The following RBFOX1 variants were observed in gnomAD, a reference collection of about 807,000 sequenced individuals.
The protein encoded by RBFOX1 is RNA binding protein fox-1 homolog 1.
Under a neutral mutation model 57.7 loss-of-function variants are expected in RBFOX1, and 8 were observed. That is an observed-to-expected ratio of 0.14 (90% CI 0.08 to 0.25). The LOEUF (loss-of-function observed/expected upper bound fraction) is 0.25. Among genes scored for constraint, RBFOX1 ranks in the 10% least tolerant of loss-of-function variants. The probability of loss-of-function intolerance (pLI) is 1.00; values close to 1 mark genes in which losing one functional copy is unlikely to be tolerated. For missense variants in RBFOX1, 611 were observed against 548.5 expected, an observed-to-expected ratio of 1.11 and a Z score of -1.14; for synonymous variants, 326 against 222.4, an observed-to-expected ratio of 1.47 and a Z score of -4.15.
intron 2 of RBFOX1, among the ~76,000 whole-genome samples, chr16:5,578,454 A>G (rs932538982): frequency 1.3e-5 from 2 of 152,338 alleles, no homozygotes; most frequent in Admixed American, 6.5e-5. Context: ...CTTGGGCTCT[A>G]AAGCCCACCA....
intron 4 of RBFOX1, among the ~76,000 whole-genome samples, chr16:7,258,993 G>T (rs58910804): frequency 0.092 from 13,942 of 152,202 alleles, 1,806 homozygotes; most frequent in African/African-American, 0.29. Context: ...CCAAGCCCTT[G>T]TATTCCCTCA....
chr16:5,937,476 G>C lies in RBFOX1; in HGVS notation c.351+70141G>C, dbSNP rs1316776360. Among the ~76,000 whole-genome samples, 5 of 152,110 alleles carry C rather than the reference G, an allele frequency of 3.3e-5. No individual in the cohort carries two copies. The South Asian group carries it at 6.2e-4, about 19-fold the overall frequency. ...AGTTAAAGAAAAGCCCCTGGAATAA[G>C]CAGGAATTTTTCAGCAGTGAATATA... is the stretch of plus-strand genomic sequence containing the variant. On this transcript the variant is annotated intron_variant, in intron 4 of 19. Transcript: ENST00000641259.
At chr16:7,166,972 C>CTTTTTTTTTTTTTGTTTTTTTTTTTTTT (rs2079657016) in intron 4 of RBFOX1, among the ~76,000 whole-genome samples, 1 of 49,098 alleles carries the variant, frequency 2.0e-5, no homozygotes, top group Non-Finnish European at 3.4e-5. Flanking sequence ...CATTGGTGTT[C>CTTTTTTTTTTTTTGTTTTTTTTTTTTTT]TTTTTTTTTT....
intron 2 of RBFOX1, among the ~76,000 whole-genome samples, chr16:6,495,103 C>T (rs190707568): frequency 6.6e-6 from 1 of 152,124 alleles, no homozygotes; most frequent in Non-Finnish European, 1.5e-5. Flanking sequence ...AATGTCCCCG[C>T]TTTCTTTTGT....
intron 4 of RBFOX1, among the ~76,000 whole-genome samples, chr16:5,954,185 G>T (rs990889198): frequency 2.6e-5 from 4 of 152,178 alleles, no homozygotes; most frequent in South Asian, 2.1e-4. Context: ...GAACATCTCA[G>T]TTTGAAGAAT....
chr16:7,555,103 T>G (rs576784450), intron 5 of RBFOX1, among the ~76,000 whole-genome samples: 49 of 150,780 alleles, frequency 3.2e-4, no homozygotes, highest in South Asian at 2.3e-3. Flanking sequence ...AAGGGGGGGT[T>G]TTTAGTAGAA....
chr16:5,958,846 C>G (rs1242108953), intron 4 of RBFOX1, among the ~76,000 whole-genome samples: 1 of 152,164 alleles, frequency 6.6e-6, no homozygotes, highest in Non-Finnish European at 1.5e-5. Context: ...TATTACTAAC[C>G]TTGGTTCTCC....
intron 3 of RBFOX1, among the ~76,000 whole-genome samples, chr16:6,825,458 A>C (rs1181623310): frequency 6.6e-6 from 1 of 152,198 alleles, no homozygotes; most frequent in African/African-American, 2.4e-5. Flanking sequence ...AAAAATAACG[A>C]CAGGAAAAGG....
intron 4 of RBFOX1, among the ~76,000 whole-genome samples, chr16:7,239,952 G>C (rs1000556174): frequency 6.6e-6 from 1 of 152,064 alleles, no homozygotes; most frequent in Non-Finnish European, 1.5e-5. Flanking sequence ...CTTCCTACCT[G>C]TTGAAACTAT....
chr16:6,119,366 A>G (rs981425819), intron 1 of RBFOX1, among the ~76,000 whole-genome samples: 2 of 152,228 alleles, frequency 1.3e-5, no homozygotes, highest in African/African-American at 4.8e-5. Context: ...GCAGATCACA[A>G]TGGAGGGTCA....
intron 4 of RBFOX1, among the ~76,000 whole-genome samples, chr16:7,252,081 T>A (rs1490501214): frequency 2.0e-5 from 3 of 152,198 alleles, no homozygotes; most frequent in Non-Finnish European, 4.4e-5. Flanking sequence ...ACATGGTTAC[T>A]GAATTTGAAA....
intron 4 of RBFOX1, among the ~76,000 whole-genome samples, chr16:7,130,325 C>G (rs2069928462): frequency 1.3e-5 from 2 of 152,110 alleles, no homozygotes; most frequent in Non-Finnish European, 2.9e-5. Flanking sequence ...ATGAAGCCAC[C>G]ACGCCAGGCC....
intron 2 of RBFOX1, among the ~76,000 whole-genome samples, chr16:6,495,151 C>G (rs1017725542): frequency 6.6e-6 from 1 of 152,166 alleles, no homozygotes; most frequent in African/African-American, 2.4e-5. Context: ...TGAACTTTCA[C>G]TCTTTCACCC....
intron 4 of RBFOX1, among the ~76,000 whole-genome samples, chr16:7,228,776 A>C (rs566386177): frequency 6.6e-6 from 1 of 152,340 alleles, no homozygotes; most frequent in East Asian, 1.9e-4. Flanking sequence ...CAAGTTTCCC[A>C]TTATAATTTA....
chr16:5,920,904 A>G (rs1012574686), intron 4 of RBFOX1, among the ~76,000 whole-genome samples: 6 of 151,068 alleles, frequency 4.0e-5, no homozygotes, highest in Admixed American at 3.3e-4. Context: ...GGAGTTGTCT[A>G]TTTGTACGTG....
intron 3 of RBFOX1, among the ~76,000 whole-genome samples, chr16:5,754,581 T>C (rs940903472): frequency 3.8e-5 from 5 of 131,460 alleles, no homozygotes; most frequent in Admixed American, 8.0e-5. Context: ...TGTGGGTGTT[T>C]CTCGAAGAGG....
At chr16:7,669,146 C>T (rs1405331558) in intron 13 of RBFOX1, among the ~76,000 whole-genome samples, 6 of 152,146 alleles carry the variant, frequency 3.9e-5, no homozygotes, top group Non-Finnish European at 7.3e-5. Context: ...TCAAGAGATC[C>T]ACCTGCCTTG....
chr16:7,074,718 G>A (rs539116809), intron 4 of RBFOX1, among the ~76,000 whole-genome samples: 1 of 152,254 alleles, frequency 6.6e-6, no homozygotes, highest in South Asian at 2.1e-4. Flanking sequence ...ATACTCCAGA[G>A]AGCATGGGGA....
intron 5 of RBFOX1, among the ~76,000 whole-genome samples, chr16:7,562,553 C>G (rs2090647815): frequency 6.6e-6 from 1 of 152,162 alleles, no homozygotes; most frequent in African/African-American, 2.4e-5. Context: ...GGAATGTGGA[C>G]TCCACAGCCC....
Sources: allele counts gnomAD v4.1 joint callset (sites outside exome capture counted in the v4.1 genomes callset), GRCh38; gene constraint gnomAD v4.1.1; transcripts MANE v1.5; gene names NCBI Gene and HGNC (gene_info 2026-07-23, HGNC 2026-07-21).